Variants in GLIS3 observed in about 807,000 individuals in gnomAD.
GLIS3 encodes the protein GLIS family zinc finger 3, also known as zinc finger protein GLIS3.
A neutral mutation model predicts 78.6 loss-of-function variants in GLIS3; 53 were observed. That is an observed-to-expected ratio of 0.67 (90% CI 0.54 to 0.85). GLIS3 has a LOEUF of 0.85. GLIS3 is among the 40% of genes least tolerant of loss of function. The probability of loss-of-function intolerance (pLI) is 0.00; values close to 1 mark genes in which losing one functional copy is unlikely to be tolerated. For missense variants in GLIS3, 1,703 were observed against 1,231.1 expected, an observed-to-expected ratio of 1.38 and a Z score of -5.74; for synonymous variants, 684 against 509.9, an observed-to-expected ratio of 1.34 and a Z score of -4.60.
At chr9:4,280,685 A>G (rs1335176929) in intron 2 of GLIS3, among the ~76,000 whole-genome samples, 1 of 152,188 alleles carries the variant, frequency 6.6e-6, no homozygotes, top group Non-Finnish European at 1.5e-5. Context: ...AGCTGTTTGA[A>G]GAGGAACAGA....
chr9:4,317,283 T>G (rs933272421), intron 2 of GLIS3, among the ~76,000 whole-genome samples: 1 of 152,222 alleles, frequency 6.6e-6, no homozygotes, highest in Admixed American at 6.5e-5. Flanking sequence ...TAGCACAGCC[T>G]TTCCTTACCC....
chr9:3,975,237 C>G, intron 4 of GLIS3: 1 of 152,070 alleles, frequency 6.6e-6, no homozygotes, highest in African/African-American at 2.4e-5. Flanking sequence ...AGATTCTCAA[C>G]AGGAGAGGGA....
At chr9:4,386,194 T>C in the GLIS3 span, among the ~76,000 whole-genome samples, 6 of 152,216 alleles carry the variant, frequency 3.9e-5, no homozygotes, top group Admixed American at 3.9e-4. Context: ...CTAATCACCC[T>C]AATCACCCTA....
chr9:4,056,843 T>C lies in GLIS3; in HGVS notation c.1710+60925A>G, dbSNP rs115198924. Among the ~76,000 whole-genome samples the C allele has an allele frequency of 8.0e-3, 1,211 of 150,496 alleles. 18 individuals carry two copies. The highest frequency in any genetic ancestry group is 0.028 in the African/African-American group (1,156 of 41,016). ...AGAGTTGGCAAAAGCAGCCGACTAA[T>C]TGCCCAAATAAGATCATCTTTGGGT... On this transcript the variant is annotated intron_variant, in intron 4 of 10. Transcript: ENST00000381971.
chr9:4,249,907 G>T (rs1351429797), intron 2 of GLIS3, among the ~76,000 whole-genome samples: 1 of 152,144 alleles, frequency 6.6e-6, no homozygotes, highest in Admixed American at 6.5e-5. Context: ...TTCTGTTTAT[G>T]TGATGGATTA....
intron 2 of GLIS3, chr9:4,147,165 T>C (rs918059475): frequency 2.0e-5 from 3 of 152,214 alleles, no homozygotes; most frequent in African/African-American, 7.2e-5. Flanking sequence ...TTCAACGTCA[T>C]ACTATATTTT....
At chr9:3,937,271 T>G in intron 4 of GLIS3, 82 bp from the exon 5 acceptor site, 2 of 1,430,614 alleles carry the variant, frequency 1.4e-6, no homozygotes, top group Non-Finnish European at 2.0e-6. Context: ...AAAAATGTTC[T>G]TAGTTGGTAC....
chr9:4,145,911 A>G (rs1462195301), intron 2 of GLIS3, among the ~76,000 whole-genome samples: 1 of 152,206 alleles, frequency 6.6e-6, no homozygotes, highest in Non-Finnish European at 1.5e-5. Flanking sequence ...CAAAATATAG[A>G]AATTCCTAAA....
At chr9:4,345,839 G>A (rs914759975) in intron 2 of GLIS3, among the ~76,000 whole-genome samples, 1 of 152,186 alleles carries the variant, frequency 6.6e-6, no homozygotes, top group African/African-American at 2.4e-5. Context: ...TGGGGAGTAA[G>A]GCAGGGAATG....
At position 4,078,568 on chromosome 9, in the gene GLIS3, T is replaced by C. The variant is rs77747346; in HGVS notation, c.1710+39200A>G. Reference sequence around the variant, plus strand: ...GCCTGGTATTTACCTAGCTGTCCCATCTACAGATCGGGCCGCAAAAGGAAG... The same window carrying C: ...GCCTGGTATTTACCTAGCTGTCCCACCTACAGATCGGGCCGCAAAAGGAAG... On this transcript the variant is annotated intron_variant, in intron 4 of 10. Transcript: ENST00000381971. Among the ~76,000 whole-genome samples, 418 of 152,296 alleles carry C rather than the reference T, an allele frequency of 2.7e-3. 4 individuals are homozygous for C. The East Asian group carries it at 0.04, about 15-fold the overall frequency.
chr9:4,231,589 A>C (rs964386565), intron 2 of GLIS3, among the ~76,000 whole-genome samples: 2 of 152,228 alleles, frequency 1.3e-5, no homozygotes, highest in African/African-American at 4.8e-5. Context: ...AAAACATCAG[A>C]ATAAAGCAAA....
the GLIS3 span, among the ~76,000 whole-genome samples, chr9:4,454,505 T>C: frequency 2.0e-5 from 3 of 152,194 alleles, no homozygotes; most frequent in African/African-American, 7.2e-5. Context: ...CAAGTCCAGG[T>C]CCCTTTGCCC....
chr9:4,119,627 C>T (rs1191627494), intron 3 of GLIS3, among the ~76,000 whole-genome samples: 1 of 152,152 alleles, frequency 6.6e-6, no homozygotes, highest in Non-Finnish European at 1.5e-5. Context: ...ATCACACTTG[C>T]TAGTTGGGTT....
At chr9:3,995,552 T>C (rs1401789908) in intron 4 of GLIS3, among the ~76,000 whole-genome samples, 1 of 152,032 alleles carries the variant, frequency 6.6e-6, no homozygotes, top group Non-Finnish European at 1.5e-5. Flanking sequence ...AATAAATTTT[T>C]TTAAAAAAGA....
At chr9:4,127,815 G>A (rs535994398) in intron 2 of GLIS3, among the ~76,000 whole-genome samples, 288 of 152,254 alleles carry the variant, frequency 1.9e-3, no homozygotes, top group Non-Finnish European at 3.4e-3. Context: ...AAGGAACTCA[G>A]TCATTCCATG....
At chr9:4,384,098 T>C in the GLIS3 span, among the ~76,000 whole-genome samples, 18 of 152,298 alleles carry the variant, frequency 1.2e-4, no homozygotes, top group Admixed American at 9.1e-4. Context: ...GAAGAAGTTG[T>C]GGCCTTTGGG....
At chr9:4,424,204 C>CT in the GLIS3 span, among the ~76,000 whole-genome samples, 16 of 152,134 alleles carry the variant, frequency 1.1e-4, no homozygotes, top group Admixed American at 5.2e-4. Flanking sequence ...GAACTTTGGA[C>CT]TTAAAATCAG....
intron 2 of GLIS3, among the ~76,000 whole-genome samples, chr9:4,320,231 C>T (rs901971309): frequency 1.3e-5 from 2 of 152,140 alleles, no homozygotes; most frequent in Admixed American, 6.5e-5. Context: ...CTCCCTGACC[C>T]TGCATGCTTC....
At chr9:4,173,594 A>G (rs532517707) in intron 2 of GLIS3, among the ~76,000 whole-genome samples, 2,987 of 127,640 alleles carry the variant, frequency 0.023, 51 homozygotes, top group South Asian at 0.064. Flanking sequence ...ACACACACAC[A>G]CACACACATA....
Sources: gnomAD v4.1 joint callset for allele counts (sites outside exome capture counted in the v4.1 genomes callset) on GRCh38, gnomAD v4.1.1 for gene constraint, MANE v1.5 for transcripts, NCBI Gene and HGNC (gene_info 2026-07-23, HGNC 2026-07-21) for gene names.